Variants in CDH4 observed in about 807,000 individuals in gnomAD.
CDH4 encodes cadherin 4.
In CDH4, 33 loss-of-function variants were observed where a neutral mutation model predicts 86.0. The observed-to-expected ratio is 0.38, with a 90% CI of 0.29 to 0.51. The LOEUF (loss-of-function observed/expected upper bound fraction) is 0.51, where lower values mean the gene tolerates loss of function less well. CDH4 is among the 20% of genes least tolerant of loss of function. CDH4 has a pLI of 0.86. For synonymous variants in CDH4, 555 were observed against 549.4 expected (o/e 1.01, Z -0.14); for missense variants, 1,114 against 1,307.4 (o/e 0.85, Z 2.28).
At chr20:61,857,575 G>A (rs1983075480) in intron 6 of CDH4, among the ~76,000 whole-genome samples, 1 of 152,264 alleles carries the variant, frequency 6.6e-6, no homozygotes, top group Admixed American at 6.5e-5. Flanking sequence ...GGGAGCTGGG[G>A]CCTGGCTTCG....
intron 2 of CDH4, among the ~76,000 whole-genome samples, chr20:61,416,044 C>T (rs1202052408): frequency 1.4e-5 from 2 of 139,212 alleles, no homozygotes; most frequent in Non-Finnish European, 3.0e-5. Flanking sequence ...CAGAGTCTTG[C>T]TCTGTCACCC....
At chr20:61,694,322 C>T (rs552479676) in intron 2 of CDH4, among the ~76,000 whole-genome samples, 27 of 152,250 alleles carry the variant, frequency 1.8e-4, no homozygotes, top group African/African-American at 5.8e-4. Flanking sequence ...CCCTCCTTTA[C>T]GGAGGAGCTA....
intron 2 of CDH4, among the ~76,000 whole-genome samples, chr20:61,527,844 G>A (rs1168328955): frequency 1.3e-5 from 2 of 152,054 alleles, no homozygotes; most frequent in Admixed American, 6.5e-5. Context: ...AAGACGGTCT[G>A]TCAGGGCAGC....
intron 3 of CDH4, among the ~76,000 whole-genome samples, chr20:61,763,002 A>G (rs2088655010): frequency 6.6e-6 from 1 of 152,236 alleles, no homozygotes; most frequent in South Asian, 2.1e-4. Flanking sequence ...GACTTGTGCC[A>G]TGCCATTTTC....
At chr20:61,739,502 G>T (rs1246567480) in intron 2 of CDH4, among the ~76,000 whole-genome samples, 2 of 152,178 alleles carry the variant, frequency 1.3e-5, no homozygotes, top group Non-Finnish European at 2.9e-5. Context: ...TGAGGGGAGG[G>T]GTAGGGCAGG....
At chr20:61,764,479 G>A (rs1471718975) in intron 3 of CDH4, among the ~76,000 whole-genome samples, 1 of 152,162 alleles carries the variant, frequency 6.6e-6, no homozygotes, top group African/African-American at 2.4e-5. Context: ...CCTGTACAGA[G>A]AGACCCGGGG....
chr20:61,923,396 C>T, intron 9 of CDH4, 55 bp from the exon 10 acceptor site: 1 of 1,587,422 alleles, frequency 6.3e-7, no homozygotes, highest in East Asian at 2.2e-5. Context: ...TCCCCCCATG[C>T]CCACTCCCAC....
chr20:61,526,393 T>A (rs2085910451), intron 2 of CDH4, among the ~76,000 whole-genome samples: 1 of 151,910 alleles, frequency 6.6e-6, no homozygotes, highest in African/African-American at 2.4e-5. Context: ...CCCAGGTGAG[T>A]GCCGGACCCC....
Position 61,393,432 on chromosome 20 carries a change from C to T in CDH4, c.169+138495C>T, listed in dbSNP as rs1284943029. Among the ~76,000 whole-genome samples, 1 of 152,134 alleles carries T rather than the reference C, an allele frequency of 6.6e-6. No homozygotes were observed. Among genetic ancestry groups the T allele is most frequent in the Non-Finnish European group, 1.5e-5 (1 of 68,016 alleles). On this transcript the variant is annotated intron_variant, in intron 2 of 15. Coordinates refer to ENST00000614565, the MANE Select transcript of CDH4 (RefSeq NM_001794.5). This position sits in a 1 kb window ranked among gnomAD's most constrained non-coding sequence, Gnocchi z 4.3. ...GATGTCGAGGACCCCCAGGGATTGG[C>T]AAAATTAAACCTGGATGCTTTGATC...
chr20:61,773,566 C>T (rs755106776), intron 4 of CDH4, among the ~76,000 whole-genome samples: 2 of 152,164 alleles, frequency 1.3e-5, no homozygotes, highest in Non-Finnish European at 2.9e-5. Flanking sequence ...ACGATCCCTG[C>T]GCCGAGGCCA....
intron 2 of CDH4, among the ~76,000 whole-genome samples, chr20:61,489,450 A>G (rs2085614052): frequency 6.6e-6 from 1 of 152,242 alleles, no homozygotes; most frequent in African/African-American, 2.4e-5. Context: ...ATGCAAGAGA[A>G]TGTTCAAACC....
At chr20:61,642,929 G>T (rs1258557871) in intron 2 of CDH4, among the ~76,000 whole-genome samples, 3 of 152,072 alleles carry the variant, frequency 2.0e-5, no homozygotes, top group South Asian at 4.1e-4. Context: ...AAGGATCCTT[G>T]TGATTACTTT....
Position 61,493,926 on chromosome 20 carries a change from G to A in CDH4, c.169+238989G>A, listed in dbSNP as rs1600711137. 2.6e-5 allele frequency among the ~76,000 whole-genome samples: 4 copies of A among 152,284 alleles called. No individual in the cohort carries two copies. The South Asian group carries it at 8.3e-4, about 32-fold the overall frequency. ...GATGCCCCTCAGAGCCTGGCCCATG[G>A]TCCTCAGTGTCCCCCACAAACCTCC... On this transcript the variant is annotated intron_variant, in intron 2 of 15. Transcript: ENST00000614565.
At chr20:61,547,292 A>C (rs186552725) in intron 2 of CDH4, among the ~76,000 whole-genome samples, 135 of 143,192 alleles carry the variant, frequency 9.4e-4, no homozygotes, top group Non-Finnish European at 1.5e-3. Context: ...GGCTCACTGC[A>C]AGCTCCACCT....
intron 2 of CDH4, among the ~76,000 whole-genome samples, chr20:61,661,819 C>A (rs1020253431): frequency 2.2e-4 from 33 of 152,244 alleles, no homozygotes; most frequent in African/African-American, 7.7e-4. Context: ...CAGGCCAGGT[C>A]TCTGGCAGGT....
intron 2 of CDH4, among the ~76,000 whole-genome samples, chr20:61,618,052 C>T (rs1377298455): frequency 6.6e-6 from 1 of 152,124 alleles, no homozygotes; most frequent in African/African-American, 2.4e-5. Context: ...CGAGGCCTCC[C>T]CAGCCATGTG....
At chr20:61,578,719 C>T (rs1456696157) in intron 2 of CDH4, among the ~76,000 whole-genome samples, 1 of 152,150 alleles carries the variant, frequency 6.6e-6, no homozygotes, top group Non-Finnish European at 1.5e-5. Flanking sequence ...GTGAGTGACA[C>T]CAAACAAAAC....
intron 6 of CDH4, 50 bp from the exon 7 acceptor site, chr20:61,873,678 G>C (rs1163966903): frequency 3.2e-6 from 5 of 1,582,410 alleles, no homozygotes; most frequent in Non-Finnish European, 4.3e-6. Flanking sequence ...TGCGGGGGTG[G>C]CAGCCTGTGT....
chr20:61,787,803 G>A (rs562705432), intron 4 of CDH4, among the ~76,000 whole-genome samples: 3 of 152,326 alleles, frequency 2.0e-5, no homozygotes, highest in Admixed American at 1.3e-4. Flanking sequence ...TGGGGATATC[G>A]AGGGGATGAG....
Sources: gnomAD v4.1 joint callset for allele counts (sites outside exome capture counted in the v4.1 genomes callset) on GRCh38, gnomAD v4.1.1 for gene constraint, Gnocchi (gnomAD v3.1) non-coding constraint, MANE v1.5 for transcripts, NCBI Gene and HGNC (gene_info 2026-07-23, HGNC 2026-07-21) for gene names.